NRXN3: variants seen among roughly 807,000 people sequenced by gnomAD.
The protein encoded by NRXN3 is neurexin III.
NRXN3 carries 32 observed loss-of-function variants against 137.6 expected under a neutral mutation model. That is an observed-to-expected ratio of 0.23 (90% confidence interval 0.18 to 0.31). NRXN3 has a LOEUF of 0.31. Among genes scored for constraint, NRXN3 ranks in the 10% least tolerant of loss-of-function variants. The pLI is 1.00. For synonymous variants in NRXN3, 798 were observed against 784.5 expected (o/e 1.02, Z -0.29); for missense variants, 1,574 against 2,062.5 (o/e 0.76, Z 4.59).
intron 4 of NRXN3, among the ~76,000 whole-genome samples, chr14:78,355,658 G>T (rs2084187176): frequency 6.6e-6 from 1 of 152,172 alleles, no homozygotes; most frequent in South Asian, 2.1e-4. Flanking sequence ...GGCCTGAAGT[G>T]ATCCACCCAC....
intron 19 of NRXN3, among the ~76,000 whole-genome samples, chr14:79,751,422 G>A (rs1276384365): frequency 2.0e-5 from 3 of 150,098 alleles, no homozygotes; most frequent in South Asian, 2.1e-4. Context: ...CATTGATTTT[G>A]TATCCTGAGA....
intron 15 of NRXN3, among the ~76,000 whole-genome samples, chr14:79,281,291 G>A (rs1163776275): frequency 6.6e-6 from 1 of 152,090 alleles, no homozygotes; most frequent in African/African-American, 2.4e-5. Flanking sequence ...TTCATCTTTA[G>A]GTAGCAGAGA....
chr14:79,754,503 GATATATATATATATATATATATAT>G (rs57962525), intron 19 of NRXN3, among the ~76,000 whole-genome samples: 2,151 of 44,168 alleles, frequency 0.049, 121 homozygotes, highest in Non-Finnish European at 0.061. Context: ...ACTCTCTCTT[GATATATATATATATATATATATAT>G]ATATATATAT....
At position 79,291,536 on chromosome 14, in the gene NRXN3, A is replaced by G. The variant is rs1317683765; in HGVS notation, c.3263-175685A>G. Among the ~76,000 whole-genome samples, 40 of 151,122 alleles carry G rather than the reference A, an allele frequency of 2.6e-4. 1 individual carries two copies. The highest frequency in any genetic ancestry group is 2.4e-3 in the Admixed American group (37 of 15,178). ...TGCCCAGCCCATTTTCCCACTTTAA[A>G]GAGGCAGACTCGGAGGCATGGAAAG... On this transcript the variant is annotated intron_variant, in intron 15 of 20. Coordinates refer to ENST00000335750, the MANE Select transcript of NRXN3 (RefSeq NM_001330195.2).
chr14:79,616,049 T>C (rs1466068879), intron 16 of NRXN3, among the ~76,000 whole-genome samples: 2 of 152,096 alleles, frequency 1.3e-5, no homozygotes, highest in Non-Finnish European at 2.9e-5. Context: ...AACTTGATCA[T>C]TGAGAGTCAT....
At chr14:79,196,074 G>A (rs1407699856) in intron 15 of NRXN3, among the ~76,000 whole-genome samples, 2 of 152,134 alleles carry the variant, frequency 1.3e-5, no homozygotes, top group East Asian at 3.9e-4. Flanking sequence ...ATCCCAGGGA[G>A]GGAGCACACT....
intron 15 of NRXN3, among the ~76,000 whole-genome samples, chr14:79,137,474 T>C (rs142045194): frequency 0.012 from 1,774 of 152,154 alleles, 14 homozygotes; most frequent in Middle Eastern, 0.031. Flanking sequence ...ATGTCTAGAA[T>C]TGTGGGCAAT....
intron 15 of NRXN3, among the ~76,000 whole-genome samples, chr14:79,349,693 T>G (rs1188027051): frequency 6.6e-6 from 1 of 152,040 alleles, no homozygotes; most frequent in Non-Finnish European, 1.5e-5. Flanking sequence ...AGTCCTAACC[T>G]CTGTTACCTG....
chr14:79,485,072 A>G (rs955453583), intron 16 of NRXN3, among the ~76,000 whole-genome samples: 2 of 152,118 alleles, frequency 1.3e-5, no homozygotes, highest in Non-Finnish European at 2.9e-5. Flanking sequence ...TAATATTACA[A>G]TATTGATGTG....
intron 4 of NRXN3, among the ~76,000 whole-genome samples, chr14:78,314,014 T>A (rs2078271850): frequency 6.6e-6 from 1 of 152,148 alleles, no homozygotes; most frequent in African/African-American, 2.4e-5. Flanking sequence ...CAGCTCACAA[T>A]AGAGTAGGAA....
At chr14:79,817,936 T>C (rs768215313) in intron 20 of NRXN3, among the ~76,000 whole-genome samples, 35 of 152,086 alleles carry the variant, frequency 2.3e-4, no homozygotes, top group Non-Finnish European at 8.8e-5. Flanking sequence ...TAAAACAAGT[T>C]ACCCTGGTTT....
intron 15 of NRXN3, among the ~76,000 whole-genome samples, chr14:79,306,963 G>C (rs1038716454): frequency 1.3e-4 from 20 of 152,052 alleles, no homozygotes; most frequent in African/African-American, 4.8e-4. Flanking sequence ...CCCTTATTAA[G>C]AGCTGTCTCC....
intron 15 of NRXN3, among the ~76,000 whole-genome samples, chr14:79,350,904 A>G (rs533550774): frequency 8.4e-4 from 128 of 152,314 alleles, no homozygotes; most frequent in African/African-American, 3.0e-3. Context: ...ACCATATGCT[A>G]CACAAAACTT....
chr14:79,004,457 A>AG (rs1343011712), intron 15 of NRXN3, among the ~76,000 whole-genome samples: 6 of 152,282 alleles, frequency 3.9e-5, no homozygotes, highest in African/African-American at 1.4e-4. Flanking sequence ...TTGCCCAGGC[A>AG]GGTCTCAAAC....
chr14:79,077,764 T>C (rs1002439612), intron 15 of NRXN3, among the ~76,000 whole-genome samples: 2 of 152,212 alleles, frequency 1.3e-5, no homozygotes, highest in Non-Finnish European at 2.9e-5. Context: ...AAATTATTAT[T>C]ATATCAGTCT....
chr14:79,011,228 A>C (rs760030142), intron 15 of NRXN3, among the ~76,000 whole-genome samples: 1 of 152,122 alleles, frequency 6.6e-6, no homozygotes, highest in Non-Finnish European at 1.5e-5. Flanking sequence ...TTCACTAGAC[A>C]CTGAGAGACT....
At chr14:79,072,870 TTCTC>T (rs762275221) in intron 15 of NRXN3, among the ~76,000 whole-genome samples, 1 of 149,448 alleles carries the variant, frequency 6.7e-6, no homozygotes, top group Non-Finnish European at 1.5e-5. Context: ...GGTATGTGTT[TTCTC>T]TCTCTCTCTC....
chr14:79,071,442 TCTC>T (rs1387316294), intron 15 of NRXN3, among the ~76,000 whole-genome samples: 1 of 152,182 alleles, frequency 6.6e-6, no homozygotes, highest in African/African-American at 2.4e-5. Flanking sequence ...GTCCATGTGT[TCTC>T]ATTGAGAAAC....
At chr14:79,377,108 A>G (rs1566952730) in intron 15 of NRXN3, among the ~76,000 whole-genome samples, 2 of 152,242 alleles carry the variant, frequency 1.3e-5, no homozygotes, top group African/African-American at 2.4e-5. Flanking sequence ...GTGAAAGTTT[A>G]ACACAGGATT....
Sources: gnomAD v4.1 joint callset for allele counts (sites outside exome capture counted in the v4.1 genomes callset) on GRCh38, gnomAD v4.1.1 for gene constraint, MANE v1.5 for transcripts, NCBI Gene and HGNC (gene_info 2026-07-23, HGNC 2026-07-21) for gene names.